Variants in SCFD2 observed in about 807,000 individuals in gnomAD.
The protein encoded by SCFD2 is sec1 family domain containing 2.
SCFD2 carries 54 observed loss-of-function variants against 58.9 expected under a neutral mutation model. That is an observed-to-expected ratio of 0.92 (90% CI 0.74 to 1.15). The LOEUF (loss-of-function observed/expected upper bound fraction) is 1.15, where lower values mean the gene tolerates loss of function less well. SCFD2 is among the 50% of genes most tolerant of loss of function. SCFD2 has a pLI of 0.00. For synonymous variants in SCFD2, 321 were observed against 335.9 expected (o/e 0.96, Z 0.49); for missense variants, 805 against 836.6 (o/e 0.96, Z 0.47).
chr4:53,187,610 G>T (rs564699225), intron 4 of SCFD2, among the ~76,000 whole-genome samples: 1 of 152,180 alleles, frequency 6.6e-6, no homozygotes, highest in South Asian at 2.1e-4. Flanking sequence ...ACTGACTGCT[G>T]TGATCTTGTG....
intron 5 of SCFD2, among the ~76,000 whole-genome samples, chr4:52,991,722 G>A (rs547877185): frequency 2.3e-3 from 347 of 152,238 alleles, no homozygotes; most frequent in African/African-American, 8.2e-3. Flanking sequence ...GCTAAGAAGA[G>A]TATTGGTTCT....
intron 5 of SCFD2, among the ~76,000 whole-genome samples, chr4:52,977,740 G>C (rs1473379510): frequency 6.6e-6 from 1 of 152,184 alleles, no homozygotes; most frequent in Admixed American, 6.5e-5. Flanking sequence ...TTACAGAGGA[G>C]CTAGCAGTTC....
At chr4:53,207,528 ATT>A (rs1428634671) in intron 4 of SCFD2, among the ~76,000 whole-genome samples, 792 of 12,574 alleles carry the variant, frequency 0.063, 70 homozygotes, top group South Asian at 0.13. Flanking sequence ...TATATATAAT[ATT>A]TATATATTAT....
intron 5 of SCFD2, among the ~76,000 whole-genome samples, chr4:53,005,059 G>A (rs1172535122): frequency 2.0e-5 from 3 of 152,074 alleles, no homozygotes; most frequent in African/African-American, 7.2e-5. Flanking sequence ...CACCACATCC[G>A]GATAATTTTT....
At position 53,169,634 on chromosome 4, in the gene SCFD2, G is replaced by A. The variant is rs533895514; in HGVS notation, c.1312-24052C>T. On this transcript the variant is annotated intron_variant, in intron 4 of 8. Transcript: ENST00000401642. Reference sequence around the variant, plus strand: ...GAGCCTTTGTATAGTTTTCTATAACGGCTGTATGAATTTACATTCCCATCA... The same window carrying A: ...GAGCCTTTGTATAGTTTTCTATAACAGCTGTATGAATTTACATTCCCATCA... Among the ~76,000 whole-genome samples, 11 of 152,058 alleles carry A rather than the reference G, an allele frequency of 7.2e-5. No individual in the cohort carries two copies. In the East Asian group the frequency reaches 1.2e-3, roughly 16 times the overall value.
At chr4:53,238,233 C>T (rs1729739477) in intron 4 of SCFD2, among the ~76,000 whole-genome samples, 1 of 135,506 alleles carries the variant, frequency 7.4e-6, no homozygotes, top group Admixed American at 7.0e-5. Flanking sequence ...AGAGGGGCTC[C>T]TCACTTCCCA....
At chr4:52,997,931 T>C (rs1046301004) in intron 5 of SCFD2, among the ~76,000 whole-genome samples, 1 of 152,234 alleles carries the variant, frequency 6.6e-6, no homozygotes, top group African/African-American at 2.4e-5. Context: ...TGACTACTAA[T>C]CAAGAGTAGT....
At chr4:53,148,055 AC>A (rs1324170323) in intron 4 of SCFD2, among the ~76,000 whole-genome samples, 1 of 152,236 alleles carries the variant, frequency 6.6e-6, no homozygotes, top group Non-Finnish European at 1.5e-5. Flanking sequence ...TCCTTAGATG[AC>A]AATAAACAGA....
At chr4:52,956,262 C>A in intron 5 of SCFD2, 1 of 456,638 alleles carries the variant, frequency 2.2e-6, no homozygotes, top group Non-Finnish European at 4.4e-6. Flanking sequence ...CCTCCTTCCC[C>A]TTGGAGCCTG....
chr4:53,198,679 G>A (rs1055572565), intron 4 of SCFD2, among the ~76,000 whole-genome samples: 1 of 151,998 alleles, frequency 6.6e-6, no homozygotes, highest in Non-Finnish European at 1.5e-5. Flanking sequence ...ATGTGTGTGT[G>A]TGTGCATGTG....
At chr4:53,304,009 G>A (rs1484490726) in intron 3 of SCFD2, among the ~76,000 whole-genome samples, 5 of 150,324 alleles carry the variant, frequency 3.3e-5, no homozygotes, top group African/African-American at 9.8e-5. Context: ...GCTAAATGAC[G>A]AGTTAATGGG....
In SCFD2 at chr4:53,012,195, G is replaced by A. The variant is rs777590632; in HGVS notation, c.1562-91325C>T. On this transcript the variant is annotated intron_variant, in intron 5 of 8. Transcript: ENST00000401642. ...CATCAACAATGAGAAAAGCCCAGCC[G>A]TGTTATAATGACTCACCCCTTGACA... Among the ~76,000 whole-genome samples, 19 of 152,038 alleles carry A rather than the reference G, an allele frequency of 1.2e-4. No individual in the cohort carries two copies. In the East Asian group the frequency reaches 1.5e-3, roughly 12 times the overall value.
chr4:53,127,503 T>G (rs966401101), intron 5 of SCFD2, among the ~76,000 whole-genome samples: 4 of 152,186 alleles, frequency 2.6e-5, no homozygotes, highest in African/African-American at 9.7e-5. Flanking sequence ...AGGCAGACAC[T>G]AATCAAAGTA....
chr4:53,098,810 C>T (rs1329501183), intron 5 of SCFD2, among the ~76,000 whole-genome samples: 2 of 152,160 alleles, frequency 1.3e-5, no homozygotes. Context: ...CACACACATG[C>T]ACGCACACAT....
intron 2 of SCFD2, among the ~76,000 whole-genome samples, chr4:53,317,106 CAAA>C (rs71662216): frequency 3.0e-5 from 3 of 99,338 alleles, no homozygotes; most frequent in Admixed American, 1.1e-4. Flanking sequence ...GACTCCATGT[CAAA>C]AAAAAAAAAA....
At chr4:53,031,529 T>C (rs552670554) in intron 5 of SCFD2, among the ~76,000 whole-genome samples, 14 of 152,166 alleles carry the variant, frequency 9.2e-5, no homozygotes, top group African/African-American at 3.4e-4. Context: ...CTAAGAACCA[T>C]GACAAAGACA....
chr4:53,106,372 T>C (rs192653109), intron 5 of SCFD2, among the ~76,000 whole-genome samples: 274 of 152,324 alleles, frequency 1.8e-3, no homozygotes, highest in African/African-American at 6.3e-3. Context: ...GAGTATGAGT[T>C]TGACGAATTG....
intron 4 of SCFD2, among the ~76,000 whole-genome samples, chr4:53,212,483 T>TAAATA (rs577178068): frequency 0.017 from 2,358 of 139,192 alleles, 88 homozygotes; most frequent in African/African-American, 0.059. Flanking sequence ...AATAAATAAA[T>TAAATA]AATAATAATA....
intron 5 of SCFD2, among the ~76,000 whole-genome samples, chr4:53,098,007 C>T (rs2148872569): frequency 6.6e-6 from 1 of 152,240 alleles, no homozygotes; most frequent in Non-Finnish European, 1.5e-5. Flanking sequence ...TGTTTACATG[C>T]TGGTTTACGT....
Sources: allele counts gnomAD v4.1 joint callset (sites outside exome capture counted in the v4.1 genomes callset), GRCh38; gene constraint gnomAD v4.1.1; transcripts MANE v1.5; gene names NCBI Gene and HGNC (gene_info 2026-07-23, HGNC 2026-07-21).